IL15: variants seen among roughly 807,000 people sequenced by gnomAD.
IL15 encodes the protein interleukin-15.
Under a neutral mutation model 19.6 loss-of-function variants are expected in IL15, and 11 were observed. The ratio of observed to expected loss-of-function variants is 0.56; its 90% confidence interval spans 0.35 to 0.93. IL15 has a LOEUF of 0.93. Ranked by LOEUF, IL15 falls within the 40% of genes least tolerant of loss-of-function variation. The pLI is 0.01. For missense variants in IL15, 197 were observed against 186.5 expected, an observed-to-expected ratio of 1.06 and a Z score of -0.33; for synonymous variants, 58 against 59.6, an observed-to-expected ratio of 0.97 and a Z score of 0.12.
chr4:141,656,353 A>G (rs748715647), intron 2 of IL15, 46 bp downstream of exon 2: 5 of 397,296 alleles, frequency 1.3e-5, no homozygotes, highest in Non-Finnish European at 2.2e-5. Flanking sequence ...AGATACTTTT[A>G]TATAATAGCA....
intron 1 of IL15, among the ~76,000 whole-genome samples, chr4:141,655,794 A>G (rs2152158438): frequency 6.6e-6 from 1 of 152,342 alleles, no homozygotes; most frequent in South Asian, 2.1e-4. Context: ...TATTTTCAAC[A>G]CCTTCTTCAG....
chr4:141,657,761 T>G (rs1428228904), intron 2 of IL15, among the ~76,000 whole-genome samples: 1 of 152,198 alleles, frequency 6.6e-6, no homozygotes, highest in Non-Finnish European at 1.5e-5. Context: ...TCTCCTATGA[T>G]GTCAATGCCC....
chr4:141,731,704 C>G (rs1730458132), intron 7 of IL15, among the ~76,000 whole-genome samples: 1 of 152,166 alleles, frequency 6.6e-6, no homozygotes, highest in Non-Finnish European at 1.5e-5. Context: ...TGATTATTTT[C>G]AGGATCAAAT....
intron 2 of IL15, among the ~76,000 whole-genome samples, chr4:141,658,277 A>G (rs1024789270): frequency 1.3e-5 from 2 of 152,036 alleles, no homozygotes; most frequent in African/African-American, 4.8e-5. Flanking sequence ...CTCCCCAGTC[A>G]TGCTTCCTGT....
At chr4:141,711,187 T>C (rs1414068379) in intron 2 of IL15, among the ~76,000 whole-genome samples, 1 of 152,124 alleles carries the variant, frequency 6.6e-6, no homozygotes, top group African/African-American at 2.4e-5. Flanking sequence ...AAAGTTTATT[T>C]AAAAGTATGG....
chr4:141,728,665 C>A (rs948889288), intron 6 of IL15, among the ~76,000 whole-genome samples: 7 of 152,082 alleles, frequency 4.6e-5, no homozygotes, highest in African/African-American at 1.7e-4. Context: ...TCCATTATTC[C>A]TCAATTAGAA....
rs114109022 is a variant in IL15 at position 141,677,973 on chromosome 4, T to A, written c.-100+21666T>A. ...GCAGAGTTAGAGGTCAAGCCTGGGT[T>A]TGGTTGAACTCCAGAGCTTTGTCTC... is the stretch of plus-strand genomic sequence containing the variant. On this transcript the variant is annotated intron_variant, in intron 2 of 7. Transcript: ENST00000320650. Among the ~76,000 whole-genome samples, 825 of 152,314 alleles carry A rather than the reference T, an allele frequency of 5.4e-3. 7 individuals are homozygous for A. Among genetic ancestry groups the A allele is most frequent in the African/African-American group, 0.019 (800 of 41,578 alleles).
chr4:141,701,434 T>C (rs1332336825), intron 2 of IL15, among the ~76,000 whole-genome samples: 7 of 152,186 alleles, frequency 4.6e-5, no homozygotes, highest in Non-Finnish European at 1.5e-5. Flanking sequence ...TTTTTCCAAA[T>C]GTTGTTTGTA....
At chr4:141,713,558 A>G (rs17007565) in intron 2 of IL15, among the ~76,000 whole-genome samples, 3,243 of 152,292 alleles carry the variant, frequency 0.021, 126 homozygotes, top group African/African-American at 0.073. Flanking sequence ...TGCTGCTTTA[A>G]ACAACGGTGA....
At chr4:141,669,955 T>C (rs1270605767) in intron 2 of IL15, among the ~76,000 whole-genome samples, 1 of 151,842 alleles carries the variant, frequency 6.6e-6, no homozygotes, top group African/African-American at 2.4e-5. Context: ...AGCATAGATG[T>C]ACAGTATTCT....
Position 141,711,207 on chromosome 4 carries a change from TCAGA to T in IL15, c.-99-8154_-99-8151del, listed in dbSNP as rs529883639. Among the ~76,000 whole-genome samples, 7 of 152,296 alleles carry T rather than the reference TCAGA, an allele frequency of 4.6e-5. 1 individual carries two copies. In the South Asian group the frequency reaches 1.5e-3, roughly 32 times the overall value. On this transcript the variant is annotated intron_variant, in intron 2 of 7. Transcript: ENST00000320650. ...TTATTTAAAAGTATGGTACAGAATG[TCAGA>T]CAGAGCAAGAAATAATTAGCAGGAT...
intron 2 of IL15, among the ~76,000 whole-genome samples, chr4:141,706,130 G>A (rs1414433117): frequency 6.6e-6 from 1 of 151,634 alleles, no homozygotes. Context: ...TTTCGTAAAT[G>A]TTTTGTTCCT....
intron 2 of IL15, chr4:141,717,066 A>G (rs1056656536): frequency 6.6e-6 from 1 of 152,054 alleles, no homozygotes; most frequent in Non-Finnish European, 1.5e-5. Context: ...TCACACCCAT[A>G]TTTGATTTAG....
chr4:141,727,786 C>G (rs1163221940), intron 5 of IL15, among the ~76,000 whole-genome samples, 154 bp from the exon 6 acceptor site: 2 of 151,968 alleles, frequency 1.3e-5, no homozygotes, highest in Non-Finnish European at 2.9e-5. Flanking sequence ...TACACAGGAT[C>G]TCTCTGTATT....
chr4:141,710,041 A>C (rs1729661873), intron 2 of IL15, among the ~76,000 whole-genome samples: 1 of 152,190 alleles, frequency 6.6e-6, no homozygotes, highest in Non-Finnish European at 1.5e-5. Flanking sequence ...TGCCTATGAT[A>C]ATGGCTTCCA....
At chr4:141,656,124 G>A (rs1727585865) in intron 1 of IL15, 62 bp from the exon 2 acceptor site, 2 of 397,342 alleles carry the variant, frequency 5.0e-6, no homozygotes. Flanking sequence ...TAAATCTGAG[G>A]AAGGGAGGAT....
intron 2 of IL15, among the ~76,000 whole-genome samples, chr4:141,663,048 A>G (rs1727845105): frequency 6.6e-6 from 1 of 152,186 alleles, no homozygotes; most frequent in Non-Finnish European, 1.5e-5. Context: ...AAAGTAACTC[A>G]TTAAAAAAAT....
At position 141,664,342 on chromosome 4, in the gene IL15, AACACACACACACACACAC is replaced by A. The variant is rs35153516; in HGVS notation, c.-100+8067_-100+8084del. Among the ~76,000 whole-genome samples, 386 of 131,020 alleles carry A rather than the reference AACACACACACACACACAC, an allele frequency of 2.9e-3. 2 individuals are homozygous for A. Among genetic ancestry groups the A allele is most frequent in the African/African-American group, 9.2e-3 (316 of 34,450 alleles). 86.0% of individuals were successfully genotyped at this position (131,020 alleles called of 152,430 possible). ...ATTAAAAAAATTCTTTGGTGGGCAAAACACACACACACACACACACACACACACACACACACACACACA... is the reference window on the plus strand; with the variant it reads ...ATTAAAAAAATTCTTTGGTGGGCAAAACACACACACACACACACACACACA... On this transcript the variant is annotated intron_variant, in intron 2 of 7. Coordinates refer to ENST00000320650, the MANE Select transcript of IL15 (RefSeq NM_000585.5).
At chr4:141,684,597 T>C (rs1377514428) in intron 2 of IL15, among the ~76,000 whole-genome samples, 2 of 152,182 alleles carry the variant, frequency 1.3e-5, no homozygotes, top group African/African-American at 4.8e-5. Flanking sequence ...CAGTGGCACC[T>C]CTTAGGTTTT....
Sources: allele counts gnomAD v4.1 joint callset (sites outside exome capture counted in the v4.1 genomes callset), GRCh38; gene constraint gnomAD v4.1.1; transcripts MANE v1.5; gene names NCBI Gene and HGNC (gene_info 2026-07-23, HGNC 2026-07-21).